The following PRKCA variants were observed in gnomAD, a reference collection of about 807,000 sequenced individuals.
The protein encoded by PRKCA is protein kinase C alpha.
A neutral mutation model predicts 87.0 loss-of-function variants in PRKCA; 27 were observed. The ratio of observed to expected loss-of-function variants is 0.31; its 90% CI spans 0.23 to 0.43. The LOEUF is 0.43. PRKCA is among the 20% of genes least tolerant of loss of function. The probability of loss-of-function intolerance (pLI) is 1.00; values close to 1 mark genes in which losing one functional copy is unlikely to be tolerated. For missense variants in PRKCA, 518 were observed against 852.3 expected (o/e 0.61, Z 4.88); for synonymous variants, 329 against 311.1 (o/e 1.06, Z -0.61).
rs1975953929 is a variant in PRKCA, at chr17:66,803,641, C to T, written c.1855-232C>T. On this transcript the variant is annotated intron_variant, in intron 16 of 16. Coordinates refer to ENST00000413366, the MANE Select transcript of PRKCA (RefSeq NM_002737.3). The surrounding 1 kb of genome is among the most constrained non-coding windows in gnomAD (Gnocchi z 4.4). ...CTGCCTCATTGCCAGCCGTGCAATTCCCACCCAGGGCTTCTGTTCGGGGTG... is the reference window on the plus strand; with the variant it reads ...CTGCCTCATTGCCAGCCGTGCAATTTCCACCCAGGGCTTCTGTTCGGGGTG... 6.6e-6 allele frequency among the ~76,000 whole-genome samples: 1 copy of T among 152,166 alleles called. No individual in the cohort carries two copies. The highest frequency in any genetic ancestry group is 2.4e-5 in the African/African-American group (1 of 41,432).
At chr17:66,607,436 C>T (rs1970242119) in intron 3 of PRKCA, among the ~76,000 whole-genome samples, 1 of 152,196 alleles carries the variant, frequency 6.6e-6, no homozygotes, top group African/African-American at 2.4e-5. Flanking sequence ...TTCATCCCCT[C>T]AGTTAAACAA....
At chr17:66,578,093 G>C (rs535298979) in intron 3 of PRKCA, among the ~76,000 whole-genome samples, 24 of 151,126 alleles carry the variant, frequency 1.6e-4, no homozygotes, top group Non-Finnish European at 3.1e-4. Context: ...AAATTCAGAA[G>C]CTGTGTTTCC....
At chr17:66,318,436 T>C (rs1905446218) in intron 2 of PRKCA, among the ~76,000 whole-genome samples, 1 of 152,154 alleles carries the variant, frequency 6.6e-6, no homozygotes, top group South Asian at 2.1e-4. Flanking sequence ...TTTGTACAAC[T>C]AGGCACCATA....
At chr17:66,662,548 T>C (rs1971936227) in intron 5 of PRKCA, among the ~76,000 whole-genome samples, 1 of 152,064 alleles carries the variant, frequency 6.6e-6, no homozygotes, top group African/African-American at 2.4e-5. Flanking sequence ...TAGTCTCTCT[T>C]TAGTTTTGGT....
At chr17:66,752,149 C>T (rs1974445557) in intron 13 of PRKCA, among the ~76,000 whole-genome samples, 1 of 152,190 alleles carries the variant, frequency 6.6e-6, no homozygotes, top group African/African-American at 2.4e-5. Flanking sequence ...CAGCATCTTC[C>T]TGAAAGCCCA....
chr17:66,306,922 C>T (rs1446994683), intron 2 of PRKCA, among the ~76,000 whole-genome samples: 1 of 152,096 alleles, frequency 6.6e-6, no homozygotes, highest in East Asian at 1.9e-4. Flanking sequence ...GTTCTGGTTC[C>T]ATTTCCCATC....
At chr17:66,311,931 T>C (rs962292146) in intron 2 of PRKCA, among the ~76,000 whole-genome samples, 1 of 152,206 alleles carries the variant, frequency 6.6e-6, no homozygotes, top group Non-Finnish European at 1.5e-5. Flanking sequence ...GAAAGCCGAA[T>C]AAATGTTTAC....
chr17:66,442,486 G>A (rs760273916), intron 2 of PRKCA, among the ~76,000 whole-genome samples: 8 of 151,760 alleles, frequency 5.3e-5, no homozygotes, highest in Admixed American at 1.3e-4. Context: ...TCCACCCCAC[G>A]CTTTCTGCCT....
intron 2 of PRKCA, among the ~76,000 whole-genome samples, chr17:66,405,295 T>C (rs1425364339): frequency 2.0e-5 from 3 of 152,226 alleles, no homozygotes; most frequent in African/African-American, 4.8e-5. Flanking sequence ...GTGCCATTAC[T>C]TAAACCCAGA....
At chr17:66,630,619 A>C (rs1011431954) in intron 3 of PRKCA, among the ~76,000 whole-genome samples, 1 of 152,252 alleles carries the variant, frequency 6.6e-6, no homozygotes, top group African/African-American at 2.4e-5. Flanking sequence ...ATAAGTAGAC[A>C]GGTGCTCCTT....
At chr17:66,774,234 C>A in intron 14 of PRKCA, 167 bp downstream of exon 14, 2 of 1,474,892 alleles carry the variant, frequency 1.4e-6, no homozygotes, top group East Asian at 2.5e-5. Context: ...AAGTGGATCA[C>A]GTTCAGTATG....
At chr17:66,718,301 G>T (rs956397820) in intron 8 of PRKCA, among the ~76,000 whole-genome samples, 2 of 152,036 alleles carry the variant, frequency 1.3e-5, no homozygotes, top group African/African-American at 2.4e-5. Flanking sequence ...AGCCTCTCAG[G>T]CCTCTTTTTA....
chr17:66,312,193 G>A (rs889831874), intron 2 of PRKCA, among the ~76,000 whole-genome samples: 5 of 152,122 alleles, frequency 3.3e-5, no homozygotes, highest in Non-Finnish European at 7.3e-5. Flanking sequence ...TATTGGCCAG[G>A]CTGGTCTTGA....
chr17:66,651,850 TTTG>T (rs552111808), intron 5 of PRKCA, among the ~76,000 whole-genome samples: 2 of 152,182 alleles, frequency 1.3e-5, no homozygotes, highest in Non-Finnish European at 2.9e-5. Flanking sequence ...CAAAGGTATT[TTTG>T]TTGTTGTTGT....
intron 3 of PRKCA, among the ~76,000 whole-genome samples, chr17:66,575,152 A>G (rs990688510): frequency 2.0e-5 from 3 of 152,230 alleles, no homozygotes; most frequent in Admixed American, 1.3e-4. Flanking sequence ...ACCGATGGCT[A>G]CGAAGAGACT....
intron 5 of PRKCA, among the ~76,000 whole-genome samples, chr17:66,681,863 G>A (rs763710236): frequency 2.0e-5 from 3 of 152,160 alleles, no homozygotes; most frequent in Non-Finnish European, 4.4e-5. Flanking sequence ...CTTTGTGAGC[G>A]CACCTTGCTT....
intron 13 of PRKCA, among the ~76,000 whole-genome samples, chr17:66,743,328 A>C (rs61761556): frequency 0.028 from 4,278 of 152,256 alleles, 91 homozygotes; most frequent in Middle Eastern, 0.061. Flanking sequence ...CTGTCCCCCC[A>C]AAAAAAGAAA....
chr17:66,533,385 T>C (rs1350459762), intron 3 of PRKCA, among the ~76,000 whole-genome samples: 1 of 152,244 alleles, frequency 6.6e-6, no homozygotes, highest in African/African-American at 2.4e-5. Context: ...TCCCCTGTTT[T>C]ACTGCATCCC....
intron 4 of PRKCA, among the ~76,000 whole-genome samples, 155 bp from the exon 5 acceptor site, chr17:66,645,228 A>G (rs1232725470): frequency 6.6e-6 from 1 of 152,234 alleles, no homozygotes; most frequent in African/African-American, 2.4e-5. Flanking sequence ...GCTGTACAGG[A>G]CATCTGCTAA....
Sources: allele counts gnomAD v4.1 joint callset (sites outside exome capture counted in the v4.1 genomes callset), GRCh38; gene constraint gnomAD v4.1.1; non-coding constraint Gnocchi (gnomAD v3.1); transcripts MANE v1.5; gene names NCBI Gene and HGNC (gene_info 2026-07-23, HGNC 2026-07-21).